Variants in MRPS28 observed in about 807,000 individuals in gnomAD.
MRPS28 encodes the protein small ribosomal subunit protein bS1m.
Under a neutral mutation model 10.8 loss-of-function variants are expected in MRPS28, and 7 were observed. The ratio of observed to expected loss-of-function variants is 0.65; its 90% CI spans 0.37 to 1.22. MRPS28 has a LOEUF of 1.22. Among genes scored for constraint, MRPS28 ranks in the 50% most tolerant of loss-of-function variants. The pLI is 0.02. For missense variants in MRPS28, 265 were observed against 232.9 expected (o/e 1.14, Z -0.90); for synonymous variants, 121 against 93.3 (o/e 1.30, Z -1.71).
intron 2 of MRPS28, among the ~76,000 whole-genome samples, chr8:79,951,911 A>G (rs2129972414): frequency 6.6e-6 from 1 of 152,312 alleles, no homozygotes; most frequent in East Asian, 1.9e-4. Context: ...ATCACAACAC[A>G]ATCACAACTG....
At chr8:79,962,043 T>C (rs953319592) in intron 2 of MRPS28, among the ~76,000 whole-genome samples, 1 of 152,158 alleles carries the variant, frequency 6.6e-6, no homozygotes, top group Non-Finnish European at 1.5e-5. Context: ...GCCCACATTT[T>C]CTAAGGTAGA....
At chr8:79,996,419 G>A (rs1394077498) in intron 2 of MRPS28, among the ~76,000 whole-genome samples, 1 of 152,082 alleles carries the variant, frequency 6.6e-6, no homozygotes, top group Non-Finnish European at 1.5e-5. Flanking sequence ...CATAAATGAG[G>A]GTATCTTATA....
At chr8:79,986,147 A>G (rs1363359645) in intron 2 of MRPS28, among the ~76,000 whole-genome samples, 1 of 152,238 alleles carries the variant, frequency 6.6e-6, no homozygotes, top group Non-Finnish European at 1.5e-5. Flanking sequence ...AATGTAATCC[A>G]GCATATAAAC....
chr8:79,978,938 T>C (rs1269783180), intron 2 of MRPS28, among the ~76,000 whole-genome samples: 1 of 152,238 alleles, frequency 6.6e-6, no homozygotes, highest in Non-Finnish European at 1.5e-5. Flanking sequence ...TCAGAAATTC[T>C]CTGAAACAAA....
In MRPS28 at chr8:80,030,042, T is replaced by C. The variant is rs377401426; in HGVS notation, c.207A>G (p.Leu69=). ...TCACCCGCCCGGGCTCCACCTTCTGTAGGGGCTCCACCTTCTGTAGAAGCT... is the reference window on the plus strand; with the variant it reads ...TCACCCGCCCGGGCTCCACCTTCTGCAGGGGCTCCACCTTCTGTAGAAGCT... ...HSELLQKVEP[L]QKGSPKNVES... is the part of the protein sequence containing the mutation. Residue 69 remains leucine, a synonymous_variant, in exon 1 of 3, where the codon CTA becomes CTG. Coordinates refer to ENST00000276585, the MANE Select transcript of MRPS28 (RefSeq NM_014018.3). 2.1e-4 allele frequency: 344 copies of C among 1,613,082 alleles called. No individual in the cohort carries two copies. The highest frequency in any genetic ancestry group is 2.7e-4 in the Non-Finnish European group (317 of 1,179,668).
chr8:80,029,419 C>T lies in MRPS28; in HGVS notation c.213+617G>A, dbSNP rs1045681313. Among the ~76,000 whole-genome samples the T allele has an allele frequency of 2.0e-5, 3 of 152,094 alleles. No individual in the cohort carries two copies. In the East Asian group the frequency reaches 5.8e-4, roughly 29 times the overall value. On this transcript the variant is annotated intron_variant, in intron 1 of 2. Coordinates refer to ENST00000276585, the MANE Select transcript of MRPS28 (RefSeq NM_014018.3). Reference sequence around the variant, plus strand: ...ACTTAGGCTTGTAATTTTATTTCTTCCATTTCATTTATCTATAAATTTATG... The same window carrying T: ...ACTTAGGCTTGTAATTTTATTTCTTTCATTTCATTTATCTATAAATTTATG...
At chr8:80,026,572 G>T (rs1470417781) in intron 1 of MRPS28, among the ~76,000 whole-genome samples, 1 of 152,204 alleles carries the variant, frequency 6.6e-6, no homozygotes, top group Non-Finnish European at 1.5e-5. Flanking sequence ...ATGGGTCAAG[G>T]ACTGTGCTAG....
chr8:80,026,067 T>C (rs1286892883), intron 1 of MRPS28, among the ~76,000 whole-genome samples: 1 of 152,218 alleles, frequency 6.6e-6, no homozygotes, highest in African/African-American at 2.4e-5. Context: ...TATGTAAATT[T>C]TCTTTCTAAA....
chr8:80,023,145 T>A (rs1809410922), intron 1 of MRPS28, among the ~76,000 whole-genome samples: 1 of 152,226 alleles, frequency 6.6e-6, no homozygotes, highest in South Asian at 2.1e-4. Flanking sequence ...TTTCAAAAGA[T>A]TTTTATTACT....
At chr8:80,021,210 T>A (rs1809353494) in intron 1 of MRPS28, among the ~76,000 whole-genome samples, 1 of 152,026 alleles carries the variant, frequency 6.6e-6, no homozygotes, top group Non-Finnish European at 1.5e-5. Flanking sequence ...ACCATGTTGG[T>A]CAGGATGGTC....
chr8:80,019,659 A>G (rs924223237), intron 1 of MRPS28, among the ~76,000 whole-genome samples: 5 of 152,104 alleles, frequency 3.3e-5, no homozygotes, highest in African/African-American at 4.8e-5. Flanking sequence ...GAAAAAATAA[A>G]AGTATACAGA....
chr8:79,986,368 G>A (rs1171292945), intron 2 of MRPS28, among the ~76,000 whole-genome samples: 83 of 152,174 alleles, frequency 5.5e-4, no homozygotes, highest in Non-Finnish European at 7.4e-4. Context: ...CTGGCACAAG[G>A]CAGGGATGCC....
chr8:79,977,288 GCTT>G (rs1291514060), intron 2 of MRPS28, among the ~76,000 whole-genome samples: 1 of 152,036 alleles, frequency 6.6e-6, no homozygotes, highest in African/African-American at 2.4e-5. Context: ...ATTTCCCACA[GCTT>G]CTTTATGAAA....
At chr8:79,943,307 C>T (rs1252538721) in intron 2 of MRPS28, among the ~76,000 whole-genome samples, 1 of 152,204 alleles carries the variant, frequency 6.6e-6, no homozygotes, top group African/African-American at 2.4e-5. Flanking sequence ...GCTACAAGAG[C>T]CGAAGAAGGA....
At chr8:79,982,050 C>A (rs1011112462) in intron 2 of MRPS28, among the ~76,000 whole-genome samples, 2 of 152,090 alleles carry the variant, frequency 1.3e-5, no homozygotes, top group African/African-American at 4.8e-5. Flanking sequence ...AATTCAAGAC[C>A]CGCCTGGCCA....
intron 2 of MRPS28, among the ~76,000 whole-genome samples, chr8:79,981,306 C>T (rs1297309766): frequency 2.0e-5 from 3 of 152,142 alleles, no homozygotes; most frequent in Non-Finnish European, 2.9e-5. Context: ...GCCTGGGCAA[C>T]ACAGCGACAC....
rs191707793 is a variant in MRPS28 at position 79,995,967 on chromosome 8, G to A, written c.395+7032C>T. On this transcript the variant is annotated intron_variant, in intron 2 of 2. Coordinates refer to ENST00000276585, the MANE Select transcript of MRPS28 (RefSeq NM_014018.3). The stretch of plus-strand genomic sequence containing the variant: ...GATAACACAAAACTGCAGAACTGGA[G>A]GGTTATATGGTTATGCAGCAATAAT... Among the ~76,000 whole-genome samples, 5 of 152,166 alleles carry A rather than the reference G, an allele frequency of 3.3e-5. No individual in the cohort carries two copies. In the East Asian group the frequency reaches 7.7e-4, roughly 24 times the overall value.
intron 2 of MRPS28, among the ~76,000 whole-genome samples, chr8:79,953,343 G>T (rs989709692): frequency 3.9e-5 from 6 of 152,150 alleles, no homozygotes; most frequent in African/African-American, 1.4e-4. Flanking sequence ...CCAGAATTTG[G>T]AGCTGGATGT....
chr8:79,958,363 A>G (rs1375836646), intron 2 of MRPS28: 3 of 698,802 alleles, frequency 4.3e-6, no homozygotes, highest in Non-Finnish European at 7.8e-6. Flanking sequence ...TTCCAAAGTC[A>G]GAGTTGGAAG....
Sources: allele counts gnomAD v4.1 joint callset (sites outside exome capture counted in the v4.1 genomes callset), GRCh38; gene constraint gnomAD v4.1.1; transcripts MANE v1.5; gene names NCBI Gene and HGNC (gene_info 2026-07-23, HGNC 2026-07-21).